The following EYS variants were observed in gnomAD, a reference collection of about 807,000 sequenced individuals.
The protein encoded by EYS is EGF-like photoreceptor maintenance factor, also known as protein eyes shut homolog.
A neutral mutation model predicts 282.1 loss-of-function variants in EYS; 250 were observed. That is an observed-to-expected ratio of 0.89 (90% CI 0.80 to 0.98). EYS has a LOEUF of 0.98. Ranked by LOEUF, EYS falls within the 50% of genes least tolerant of loss-of-function variation. EYS has a pLI of 0.00. For missense variants in EYS, 4,016 were observed against 3,709.0 expected, an observed-to-expected ratio of 1.08 and a Z score of -2.15; for synonymous variants, 1,355 against 1,282.9, an observed-to-expected ratio of 1.06 and a Z score of -1.20.
At chr6:64,619,983 A>G (rs1767393082) in intron 23 of EYS, among the ~76,000 whole-genome samples, 1 of 152,212 alleles carries the variant, frequency 6.6e-6, no homozygotes, top group South Asian at 2.1e-4. Context: ...GCCTAGTCAA[A>G]CTGAGAAAAA....
At chr6:65,321,843 A>C (rs2150305804) in intron 11 of EYS, among the ~76,000 whole-genome samples, 1 of 152,316 alleles carries the variant, frequency 6.6e-6, no homozygotes, top group South Asian at 2.1e-4. Context: ...AAATGCACAA[A>C]TTTGGTTTAG....
At chr6:64,891,841 T>A (rs1767301338) in intron 18 of EYS, among the ~76,000 whole-genome samples, 1 of 152,006 alleles carries the variant, frequency 6.6e-6, no homozygotes, top group Non-Finnish European at 1.5e-5. Context: ...GAGAGAACAA[T>A]TAAGACCATG....
intron 29 of EYS, among the ~76,000 whole-genome samples, chr6:64,325,798 A>C (rs1770394760): frequency 6.6e-6 from 1 of 152,208 alleles, no homozygotes; most frequent in South Asian, 2.1e-4. Flanking sequence ...ATAATTGAAC[A>C]AGTAGAATAA....
intron 28 of EYS, chr6:64,400,439 C>T (rs1773506577): frequency 6.6e-6 from 1 of 151,996 alleles, no homozygotes; most frequent in Non-Finnish European, 1.5e-5. Flanking sequence ...GGTAAGCACG[C>T]CTCCATTATA....
At chr6:65,057,778 A>G (rs1156952089) in intron 12 of EYS, 51 bp from the exon 13 acceptor site, 1 of 1,222,386 alleles carries the variant, frequency 8.2e-7, no homozygotes, top group Non-Finnish European at 1.2e-6. Flanking sequence ...ACAGGCATGT[A>G]TCAAGTCGTA....
At chr6:64,862,101 A>G (rs1046488379) in intron 19 of EYS, among the ~76,000 whole-genome samples, 2 of 152,194 alleles carry the variant, frequency 1.3e-5, no homozygotes, top group African/African-American at 4.8e-5. Flanking sequence ...TTTTTCTCTC[A>G]ACACTTTAAA....
intron 29 of EYS, among the ~76,000 whole-genome samples, chr6:64,334,059 G>C (rs1306288645): frequency 1.3e-5 from 2 of 152,138 alleles, no homozygotes; most frequent in Non-Finnish European, 2.9e-5. Flanking sequence ...ACCAGGTAGG[G>C]GAAACAACTT....
intron 26 of EYS, among the ~76,000 whole-genome samples, chr6:64,440,221 C>G (rs1039777725): frequency 1.3e-5 from 2 of 151,936 alleles, no homozygotes; most frequent in East Asian, 1.9e-4. Context: ...CTGTCTATCA[C>G]AGGATAATAT....
At chr6:64,159,776 G>C (rs2150300283) in intron 31 of EYS, among the ~76,000 whole-genome samples, 1 of 151,638 alleles carries the variant, frequency 6.6e-6, no homozygotes, top group East Asian at 1.9e-4. Flanking sequence ...TTTCCGTATT[G>C]TGGGATGTCT....
chr6:64,684,324 T>TA (rs1236116522), intron 22 of EYS, among the ~76,000 whole-genome samples: 1 of 152,130 alleles, frequency 6.6e-6, no homozygotes, highest in East Asian at 1.9e-4. Context: ...AAAATATTTT[T>TA]AAAAAATGAA....
intron 7 of EYS, among the ~76,000 whole-genome samples, chr6:65,397,591 TGTG>T: frequency 3.1e-5 from 1 of 32,732 alleles, no homozygotes; most frequent in Middle Eastern, 0.012. Context: ...ATGGTGTGTG[TGTG>T]TGTGTGTGTG....
At chr6:65,559,793 T>C (rs1768965336) in intron 2 of EYS, among the ~76,000 whole-genome samples, 1 of 152,064 alleles carries the variant, frequency 6.6e-6, no homozygotes, top group South Asian at 2.1e-4. Flanking sequence ...AGTTGTCCAA[T>C]TTTTGAATTT....
chr6:65,131,643 C>T (rs1381479819), intron 12 of EYS, among the ~76,000 whole-genome samples: 1 of 151,802 alleles, frequency 6.6e-6, no homozygotes, highest in Non-Finnish European at 1.5e-5. Flanking sequence ...AAAGTAACTA[C>T]CTAACATCAC....
rs530071163 is a variant in EYS at position 63,888,206 on chromosome 6, C to T, written c.7056-23848G>A. On this transcript the variant is annotated intron_variant, in intron 35 of 42. Coordinates refer to ENST00000503581, the MANE Select transcript of EYS (RefSeq NM_001142800.2). ...CACTGGGGGAAGGGGCAGCTGTGGG[C>T]GCAGCTTCAGCAGACTTATACATTC... 1.6e-4 allele frequency among the ~76,000 whole-genome samples: 25 copies of T among 152,142 alleles called. No individual in the cohort carries two copies. The South Asian group carries it at 2.3e-3, about 14-fold the overall frequency.
intron 22 of EYS, among the ~76,000 whole-genome samples, chr6:64,785,719 C>A (rs1264032295): frequency 6.6e-6 from 1 of 152,150 alleles, no homozygotes; most frequent in Non-Finnish European, 1.5e-5. Flanking sequence ...ATTTATTCAA[C>A]AAATATTTGT....
intron 2 of EYS, among the ~76,000 whole-genome samples, chr6:65,580,854 T>TA (rs1410855953): frequency 6.6e-6 from 1 of 152,056 alleles, no homozygotes; most frequent in African/African-American, 2.4e-5. Context: ...CAGACAGGGA[T>TA]ATTAAAGGCC....
chr6:65,242,464 T>C lies in EYS; in HGVS notation c.2023+53399A>G, dbSNP rs1767080377. 2.6e-5 allele frequency among the ~76,000 whole-genome samples: 4 copies of C among 152,268 alleles called. No homozygotes were observed. The South Asian group carries it at 8.3e-4, about 32-fold the overall frequency. ...GGCATGCGTCAGTATGTCATTCCTTTGTATCGCCATCTAATCTTTCATTGT... is the reference window on the plus strand; with the variant it reads ...GGCATGCGTCAGTATGTCATTCCTTCGTATCGCCATCTAATCTTTCATTGT... On this transcript the variant is annotated intron_variant, in intron 12 of 42. Coordinates refer to ENST00000503581, the MANE Select transcript of EYS (RefSeq NM_001142800.2).
chr6:65,649,703 T>C (rs915709646), intron 1 of EYS, among the ~76,000 whole-genome samples: 1 of 152,144 alleles, frequency 6.6e-6, no homozygotes, highest in Non-Finnish European at 1.5e-5. Flanking sequence ...TTTAGATTGT[T>C]TTTTTACAAA....
intron 2 of EYS, among the ~76,000 whole-genome samples, chr6:65,555,020 A>G (rs552608894): frequency 3.1e-4 from 46 of 149,722 alleles, no homozygotes; most frequent in Middle Eastern, 7.1e-3. Flanking sequence ...AAAAAAAAAA[A>G]GAAACAATTC....
Sources: allele counts gnomAD v4.1 joint callset (sites outside exome capture counted in the v4.1 genomes callset), GRCh38; gene constraint gnomAD v4.1.1; transcripts MANE v1.5; gene names NCBI Gene and HGNC (gene_info 2026-07-23, HGNC 2026-07-21).